Variants in HIGD1C observed in about 807,000 individuals in gnomAD.
The protein encoded by HIGD1C is HIG1 domain family member 1C.
In HIGD1C, 11 loss-of-function variants were observed where a neutral mutation model predicts 13.1. That is an observed-to-expected ratio of 0.84 (90% CI 0.53 to 1.39). The LOEUF (loss-of-function observed/expected upper bound fraction) is 1.39. HIGD1C is among the 40% of genes most tolerant of loss of function. The pLI, the probability that HIGD1C is intolerant of heterozygous loss-of-function variation, is 0.00. For synonymous variants in HIGD1C, 36 were observed against 37.7 expected, an observed-to-expected ratio of 0.95 and a Z score of 0.17; for missense variants, 110 against 112.0, an observed-to-expected ratio of 0.98 and a Z score of 0.08.
intron 2 of HIGD1C, among the ~76,000 whole-genome samples, chr12:50,963,412 A>G (rs1289967457): frequency 6.6e-6 from 1 of 151,664 alleles, no homozygotes; most frequent in Non-Finnish European, 1.5e-5. Flanking sequence ...AAGAAAGGAA[A>G]GTAGAAGCAA....
the HIGD1C span, among the ~76,000 whole-genome samples, chr12:50,945,585 A>C: frequency 6.6e-6 from 1 of 152,222 alleles, no homozygotes; most frequent in African/African-American, 2.4e-5. Context: ...AAAAGAGGAC[A>C]CAAACAAATG....
At chr12:50,957,335 T>C (rs1383556263) in intron 1 of HIGD1C, among the ~76,000 whole-genome samples, 4 of 151,736 alleles carry the variant, frequency 2.6e-5, no homozygotes, top group East Asian at 3.9e-4. Context: ...TTCAGCTTCC[T>C]GAGTAAGCAT....
At chr12:50,965,412 C>T (rs796096469) in intron 2 of HIGD1C, among the ~76,000 whole-genome samples, 39 of 152,116 alleles carry the variant, frequency 2.6e-4, no homozygotes, top group African/African-American at 9.2e-4. Flanking sequence ...TGTCAGCCAC[C>T]GTGCCCAGCC....
Position 50,967,948 on chromosome 12 carries a change from C to T in HIGD1C, c.230-2494C>T, listed in dbSNP as rs574650320. 8.5e-5 allele frequency among the ~76,000 whole-genome samples: 13 copies of T among 152,176 alleles called. No individual in the cohort carries two copies. In the East Asian group the frequency reaches 2.1e-3, roughly 25 times the overall value. On this transcript the variant is annotated intron_variant, in intron 2 of 2. Transcript: ENST00000398455. Reference sequence around the variant, plus strand: ...ACAAAAAATTAAAAAGTTAGCCAGGCAAGCTGCATGCACCTGTGGTCCCAG... The same window carrying T: ...ACAAAAAATTAAAAAGTTAGCCAGGTAAGCTGCATGCACCTGTGGTCCCAG...
downstream of HIGD1C, among the ~76,000 whole-genome samples, chr12:50,971,160 G>A (rs531052099): frequency 1.7e-4 from 26 of 151,970 alleles, no homozygotes; most frequent in East Asian, 4.4e-3. Flanking sequence ...GATTACAGGC[G>A]TGAGCCACGG....
chr12:50,941,224 G>A, the HIGD1C span, among the ~76,000 whole-genome samples: 2 of 152,094 alleles, frequency 1.3e-5, no homozygotes, highest in Admixed American at 6.5e-5. Flanking sequence ...CTGGGCTCAA[G>A]TGATTCCTCC....
chr12:50,947,160 C>A, the HIGD1C span, among the ~76,000 whole-genome samples: 1 of 152,292 alleles, frequency 6.6e-6, no homozygotes, highest in South Asian at 2.1e-4. Flanking sequence ...TCCACCCTTT[C>A]CTACCCTGTG....
intron 1 of HIGD1C, among the ~76,000 whole-genome samples, chr12:50,954,538 T>A (rs955784038): frequency 2.0e-5 from 3 of 152,180 alleles, no homozygotes; most frequent in African/African-American, 7.2e-5. Context: ...ATTTTTCTGT[T>A]TCTATCTTAC....
the HIGD1C span, among the ~76,000 whole-genome samples, chr12:50,936,369 CA>C: frequency 6.6e-6 from 1 of 152,176 alleles, no homozygotes; most frequent in South Asian, 2.1e-4. Context: ...CTCAGCCTCC[CA>C]AAGTGCTGTG....
intron 1 of HIGD1C, among the ~76,000 whole-genome samples, chr12:50,958,177 T>C (rs1448904248): frequency 1.3e-5 from 2 of 152,088 alleles, no homozygotes; most frequent in South Asian, 2.1e-4. Context: ...TCTACAGGCT[T>C]AATGTAATTC....
chr12:50,940,722 C>CAA, the HIGD1C span, among the ~76,000 whole-genome samples: 1,642 of 105,090 alleles, frequency 0.016, 41 homozygotes, highest in African/African-American at 0.054. Context: ...GACCCCATCT[C>CAA]AAAAAAAAAA....
chr12:50,950,950 CT>C (rs1432022043), upstream of HIGD1C, among the ~76,000 whole-genome samples: 1 of 151,902 alleles, frequency 6.6e-6, no homozygotes, highest in East Asian at 1.9e-4. Flanking sequence ...TCCCAAAGTG[CT>C]GGGATTACAG....
At chr12:50,943,534 C>G in the HIGD1C span, among the ~76,000 whole-genome samples, 1 of 152,002 alleles carries the variant, frequency 6.6e-6, no homozygotes, top group Admixed American at 6.5e-5. Context: ...CATGGTGAAA[C>G]CCCATCTCTA....
At chr12:50,952,472 G>A (rs946849575), upstream of HIGD1C, among the ~76,000 whole-genome samples, 2 of 152,084 alleles carry the variant, frequency 1.3e-5, no homozygotes, top group South Asian at 2.1e-4. Flanking sequence ...GGGAGGCGGT[G>A]AGCAAGGTGT....
intron 1 of HIGD1C, among the ~76,000 whole-genome samples, chr12:50,957,189 C>A (rs768594246): frequency 2.0e-5 from 3 of 151,796 alleles, no homozygotes; most frequent in Admixed American, 6.6e-5. Flanking sequence ...AACATGCTAT[C>A]CACATAAAAA....
chr12:50,941,301 T>C, the HIGD1C span, among the ~76,000 whole-genome samples: 1 of 152,218 alleles, frequency 6.6e-6, no homozygotes, highest in African/African-American at 2.4e-5. Context: ...CCCAATTTTT[T>C]AAATGGGAGG....
chr12:50,952,127 T>G (rs1938920505), upstream of HIGD1C, among the ~76,000 whole-genome samples: 1 of 149,984 alleles, frequency 6.7e-6, no homozygotes, highest in Non-Finnish European at 1.5e-5. Flanking sequence ...GAATAAAATC[T>G]TTAGATTGAA....
the HIGD1C span, among the ~76,000 whole-genome samples, chr12:50,934,011 G>A: frequency 2.0e-5 from 3 of 152,192 alleles, no homozygotes; most frequent in Non-Finnish European, 2.9e-5. Flanking sequence ...ATACTGCTCT[G>A]GGAGATACAG....
At chr12:50,956,486 G>A (rs113647282) in intron 1 of HIGD1C, among the ~76,000 whole-genome samples, 8 of 152,242 alleles carry the variant, frequency 5.3e-5, no homozygotes, top group African/African-American at 1.7e-4. Context: ...CAGGATGGAG[G>A]GTCCTATGCA....
Sources: allele counts gnomAD v4.1 joint callset (sites outside exome capture counted in the v4.1 genomes callset), GRCh38; gene constraint gnomAD v4.1.1; transcripts MANE v1.5; gene names NCBI Gene and HGNC (gene_info 2026-07-23, HGNC 2026-07-21).